The following BAHCC1 variants were observed in gnomAD, a reference collection of about 807,000 sequenced individuals.
BAHCC1 encodes BAH domain and coiled-coil containing 1, also known as BAH and coiled-coil domain-containing protein 1.
BAHCC1 carries 43 observed loss-of-function variants against 88.2 expected under a neutral mutation model. That is an observed-to-expected ratio of 0.49 (90% CI 0.38 to 0.63). The LOEUF is 0.63. Ranked by LOEUF, BAHCC1 falls within the 20% of genes least tolerant of loss-of-function variation. BAHCC1 has a pLI of 0.00. For missense variants in BAHCC1, 3,023 were observed against 1,654.8 expected, an observed-to-expected ratio of 1.83 and a Z score of -14.34; for synonymous variants, 1,510 against 745.5, an observed-to-expected ratio of 2.03 and a Z score of -16.71.
chr17:81,406,922 C>T (rs77138583), intron 2 of BAHCC1: 4 of 456,192 alleles, frequency 8.8e-6, no homozygotes, highest in South Asian at 3.1e-5. Context: ...GGTTCCCGAT[C>T]GGATCAGCCA....
intron 11 of BAHCC1, among the ~76,000 whole-genome samples, chr17:81,450,030 T>C (rs1383447848): frequency 1.3e-5 from 2 of 152,176 alleles, no homozygotes; most frequent in African/African-American, 4.8e-5. Flanking sequence ...CCCGCACTCC[T>C]GCTTCTGGCT....
chr17:81,429,662 C>T lies in BAHCC1; in HGVS notation c.358+2683C>T, dbSNP rs1471899414. Among the ~76,000 whole-genome samples, 9 of 152,310 alleles carry T rather than the reference C, an allele frequency of 5.9e-5. No individual in the cohort carries two copies. The East Asian group carries it at 1.2e-3, about 20-fold the overall frequency. The stretch of plus-strand genomic sequence containing the variant: ...GGAGAGTGGGGGCCAGCAGGCACAG[C>T]GGGCTGCCTGGGCGGTTGGCCTTGC... On this transcript the variant is annotated intron_variant, in intron 3 of 27. Transcript: ENST00000675386.
In BAHCC1 at chr17:81,405,255, G is replaced by A. The variant is rs1040068578; in HGVS notation, c.178+5338G>A. 5.9e-5 allele frequency among the ~76,000 whole-genome samples: 9 copies of A among 152,084 alleles called. No individual in the cohort carries two copies. The South Asian group carries it at 6.2e-4, about 11-fold the overall frequency. The stretch of plus-strand genomic sequence containing the variant: ...AATTTTTTGTATTTTTAGTAGAGAC[G>A]GGGTTTCACCATGTTTCCCATGCTG... On this transcript the variant is annotated intron_variant, in intron 2 of 27. Transcript: ENST00000675386.
chr17:81,458,659 C>T lies in BAHCC1; in HGVS notation c.5382C>T (p.Arg1794=), dbSNP rs782005018. The T allele has an allele frequency of 1.4e-5, 10 of 721,262 alleles. No individual in the cohort carries two copies. The East Asian group carries it at 2.1e-4, about 15-fold the overall frequency. The allele number at this position is 721,262 out of a possible 1,614,324, so 44.7% of individuals were successfully genotyped here. Residue 1794 remains arginine, a synonymous_variant, in exon 19 of 28, where the codon CGC becomes CGT. Transcript: ENST00000675386. The stretch of plus-strand genomic sequence containing the variant: ...CCCTGTCCATCACGCTGGCCACACG[C>T]AACGCCAAGGCCATCCTGGGGAAGG... The part of the protein sequence containing the change: ...NGALSITLAT[R]NAKAILGKGR...
Position 81,441,845 on chromosome 17 carries a change from C to A in BAHCC1, c.496C>A (p.Arg166Ser), listed in dbSNP as rs782085804. The A allele has an allele frequency of 1.5e-6, 1 of 660,726 alleles. No homozygotes were observed. The highest frequency in any genetic ancestry group is 2.6e-5 in the East Asian group (1 of 38,072). The allele number at this position is 660,726 out of a possible 1,614,324, so 40.9% of individuals were successfully genotyped here. A position where few individuals can be genotyped will look rare whatever the true frequency, so the allele number is the denominator to read the frequency against. ...TTCCCACACAGATAACTTCTACCTG[C>A]GCAACCTGCCGCCCCAGCCCACGCT... ...YGTQKDNFYL[R>S]NLPPQPTLLP... The change falls in exon 5 of 28, where the codon CGC (arginine) becomes AGC (serine). Residue 166 changes from arginine to serine, a missense_variant. By Grantham distance (110) the Arg-to-Ser change is moderately radical. Coordinates refer to ENST00000675386, the MANE Select transcript of BAHCC1 (RefSeq NM_001377448.1).
At chr17:81,422,863 G>A (rs546580432) in intron 2 of BAHCC1, 105 of 358,566 alleles carry the variant, frequency 2.9e-4, no homozygotes, top group South Asian at 1.9e-3. Context: ...TGGGGGACTC[G>A]AGGCGGGCCT....
Position 81,411,197 on chromosome 17 carries a change from C to T in BAHCC1, c.178+11280C>T, listed in dbSNP as rs894910382. On this transcript the variant is annotated intron_variant, in intron 2 of 27. Transcript: ENST00000675386. The surrounding 1 kb of genome is among the most constrained non-coding windows in gnomAD (Gnocchi z 6.2). Reference sequence around the variant, plus strand: ...GCCCCAGGCTGAGGCCGAGGGTCTGCGCCACCTGGGCATGCCCAGTGGGGC... The same window carrying T: ...GCCCCAGGCTGAGGCCGAGGGTCTGTGCCACCTGGGCATGCCCAGTGGGGC... The T allele has an allele frequency of 6.4e-5, 33 of 517,544 alleles. No homozygotes were observed. The highest frequency in any genetic ancestry group is 3.5e-4 in the Admixed American group (18 of 51,516). 32.1% of individuals were successfully genotyped at this position (517,544 alleles called of 1,614,324 possible). A position where few individuals can be genotyped will look rare whatever the true frequency, so the allele number is the denominator to read the frequency against.
chr17:81,406,193 G>C (rs868958926), intron 2 of BAHCC1, among the ~76,000 whole-genome samples: 50 of 152,208 alleles, frequency 3.3e-4, no homozygotes, highest in African/African-American at 1.2e-3. Flanking sequence ...AGGCAGGCTC[G>C]TCCTGGCCTG....
chr17:81,410,239 G>A (rs949340868), intron 2 of BAHCC1, among the ~76,000 whole-genome samples: 4 of 152,328 alleles, frequency 2.6e-5, no homozygotes, highest in African/African-American at 4.8e-5. Context: ...GAGACTCAGA[G>A]GCCTGGGGAG....
intron 14 of BAHCC1, among the ~76,000 whole-genome samples, chr17:81,454,509 A>G (rs1230833751): frequency 2.7e-5 from 4 of 150,294 alleles, no homozygotes; most frequent in East Asian, 3.9e-4. Flanking sequence ...CTGGGGACTC[A>G]GGGGAAAGCC....
intron 4 of BAHCC1, among the ~76,000 whole-genome samples, chr17:81,440,380 G>T (rs1555652321): frequency 7.2e-5 from 11 of 152,252 alleles, no homozygotes; most frequent in Admixed American, 5.2e-4. Flanking sequence ...TTTGGTTTTG[G>T]AAATGGAGCT....
chr17:81,416,405 C>T (rs1457224256), intron 2 of BAHCC1, among the ~76,000 whole-genome samples: 4 of 88,342 alleles, frequency 4.5e-5, no homozygotes, highest in South Asian at 4.2e-4. Flanking sequence ...CGCGTGTGTA[C>T]GTGTATGTGT....
At chr17:81,444,934 C>T (rs1235199563) in intron 8 of BAHCC1, 81 bp from the exon 9 acceptor site, 8 of 684,688 alleles carry the variant, frequency 1.2e-5, no homozygotes, top group South Asian at 6.2e-5. Flanking sequence ...GCTTGGTGGG[C>T]TGAGGAAAGG....
chr17:81,463,603 G>A lies in BAHCC1; in HGVS notation c.7621-8G>A, dbSNP rs782276153. ...CGGCCACTGATGCCCCGCGCGCCTT[G>A]CCCCCAGAATGCGCTGTACCAGTCC... On this transcript the variant is annotated splice_polypyrimidine_tract_variant and splice_region_variant and intron_variant, in intron 27 of 27. Coordinates refer to ENST00000675386, the MANE Select transcript of BAHCC1 (RefSeq NM_001377448.1). The A allele has an allele frequency of 5.1e-6, 4 of 779,292 alleles. No individual in the cohort carries two copies. The East Asian group carries it at 9.7e-5, about 19-fold the overall frequency. The allele number at this position is 779,292 out of a possible 1,614,324, so 48.3% of individuals were successfully genotyped here.
intron 2 of BAHCC1, chr17:81,401,361 T>A (rs2063814820): frequency 6.5e-6 from 1 of 152,706 alleles, no homozygotes. Context: ...GGCTGCCCTT[T>A]TCTCTCTGTT....
At chr17:81,403,827 C>T (rs574217061) in intron 2 of BAHCC1, among the ~76,000 whole-genome samples, 6 of 152,308 alleles carry the variant, frequency 3.9e-5, no homozygotes, top group African/African-American at 1.4e-4. Context: ...TGTGGGGCCG[C>T]GTGGACCGGC....
chr17:81,396,375 C>G (rs2063746360), intron 1 of BAHCC1: 2 of 152,150 alleles, frequency 1.3e-5, no homozygotes, highest in Admixed American at 1.3e-4. Context: ...CGGGACGGCG[C>G]GCGGGGCTCG....
At chr17:81,440,198 G>A (rs1454977196) in intron 4 of BAHCC1, among the ~76,000 whole-genome samples, 4 of 152,210 alleles carry the variant, frequency 2.6e-5, no homozygotes, top group African/African-American at 9.6e-5. Context: ...AACCGCGTCA[G>A]CCCCAGCGCG....
chr17:81,433,819 G>A lies in BAHCC1; in HGVS notation c.359-4551G>A, dbSNP rs1339414824. 3.3e-5 allele frequency among the ~76,000 whole-genome samples: 5 copies of A among 152,226 alleles called. No individual in the cohort carries two copies. The East Asian group carries it at 7.7e-4, about 23-fold the overall frequency. On this transcript the variant is annotated intron_variant, in intron 3 of 27. Coordinates refer to ENST00000675386, the MANE Select transcript of BAHCC1 (RefSeq NM_001377448.1). ...ACTTTGTGTGCCGCATGCGGACAGG[G>A]TTTCAGAATCTGTGTCAGCCCAGCA...
Sources: allele counts gnomAD v4.1 joint callset (sites outside exome capture counted in the v4.1 genomes callset), GRCh38; gene constraint gnomAD v4.1.1; non-coding constraint Gnocchi (gnomAD v3.1); transcripts MANE v1.5; gene names NCBI Gene and HGNC (gene_info 2026-07-23, HGNC 2026-07-21).